NID1: variants seen among roughly 807,000 people sequenced by gnomAD.
NID1 encodes the protein nidogen-1.
In NID1, 76 loss-of-function variants were observed where a neutral mutation model predicts 130.6. That is an observed-to-expected ratio of 0.58 (90% CI 0.48 to 0.70). The LOEUF is 0.70. Among genes scored for constraint, NID1 ranks in the 30% least tolerant of loss-of-function variants. The pLI is 0.00. For synonymous variants in NID1, 665 were observed against 675.1 expected (o/e 0.98, Z 0.23); for missense variants, 1,517 against 1,664.8 (o/e 0.91, Z 1.54).
chr1:236,057,371 A>G (rs1413325988), intron 1 of NID1, among the ~76,000 whole-genome samples: 1 of 152,184 alleles, frequency 6.6e-6, no homozygotes, highest in African/African-American at 2.4e-5. Context: ...TAATTCTCCA[A>G]ACTCTCCATG....
intron 4 of NID1, among the ~76,000 whole-genome samples, chr1:236,038,873 A>G (rs1659349405): frequency 1.9e-5 from 2 of 105,140 alleles, no homozygotes; most frequent in South Asian, 3.1e-4. Flanking sequence ...CATATATAAT[A>G]TATATTACCT....
chr1:236,045,824 T>C (rs1659585927), intron 2 of NID1, 141 bp from the exon 3 acceptor site: 1 of 663,608 alleles, frequency 1.5e-6, no homozygotes, highest in South Asian at 2.1e-5. Context: ...GAAGGACTTT[T>C]GTAGCAAGAA....
At chr1:236,047,520 C>G (rs1028793484) in intron 2 of NID1, among the ~76,000 whole-genome samples, 1 of 152,160 alleles carries the variant, frequency 6.6e-6, no homozygotes, top group Non-Finnish European at 1.5e-5. Flanking sequence ...CCGTGCTCTA[C>G]AGCCTGGTCC....
At chr1:236,020,652 C>T (rs1485269491) in intron 9 of NID1, among the ~76,000 whole-genome samples, 1 of 152,174 alleles carries the variant, frequency 6.6e-6, no homozygotes, top group Non-Finnish European at 1.5e-5. Flanking sequence ...ATCACAAAGG[C>T]TCATCCTCAT....
chr1:236,007,832 C>T (rs144088102), intron 12 of NID1, among the ~76,000 whole-genome samples: 100 of 152,278 alleles, frequency 6.6e-4, no homozygotes, highest in African/African-American at 2.1e-3. Flanking sequence ...GAACTCCTGA[C>T]GCACAGAAAC....
intron 10 of NID1, among the ~76,000 whole-genome samples, chr1:236,015,290 T>C (rs994726520): frequency 6.6e-6 from 1 of 152,208 alleles, no homozygotes; most frequent in East Asian, 1.9e-4. Flanking sequence ...GGTTCTACAG[T>C]GAGCCTTCTC....
intron 15 of NID1, among the ~76,000 whole-genome samples, chr1:235,982,085 G>A (rs1657453520): frequency 6.6e-6 from 1 of 152,224 alleles, no homozygotes; most frequent in Non-Finnish European, 1.5e-5. Context: ...TTGAGACTGA[G>A]TTCCAGGTCC....
chr1:236,055,262 C>G (rs1659866350), intron 1 of NID1, among the ~76,000 whole-genome samples: 1 of 151,770 alleles, frequency 6.6e-6, no homozygotes, highest in Non-Finnish European at 1.5e-5. Flanking sequence ...CAAGACCACA[C>G]CACTGCACTC....
intron 19 of NID1, 27 bp downstream of exon 19, chr1:235,978,968 C>A: frequency 6.6e-7 from 1 of 1,524,166 alleles, no homozygotes; most frequent in Non-Finnish European, 9.1e-7. Flanking sequence ...CCCCAGTATG[C>A]CAACAGTAAC....
chr1:236,030,715 A>G (rs185490405), intron 6 of NID1, among the ~76,000 whole-genome samples: 50 of 152,356 alleles, frequency 3.3e-4, no homozygotes, highest in African/African-American at 3.6e-4. Flanking sequence ...TGACAACCTC[A>G]GCTTTATAGT....
At position 236,029,667 on chromosome 1, in the gene NID1, C is replaced by T. The variant is rs900589374; in HGVS notation, c.1621G>A (p.Asp541Asn). 8 of 1,613,842 alleles carry T rather than the reference C, an allele frequency of 5.0e-6. No homozygotes were observed. Among genetic ancestry groups the T allele is most frequent in the African/African-American group, 2.7e-5 (2 of 74,936 alleles). Residue 541 changes from aspartate to asparagine, a missense_variant, in exon 7 of 20, where the codon GAT becomes AAT. Around this residue, in one of 3 missense-constraint regions of NID1, gnomAD observed 1,329 missense variants for 1,429.2 expected, o/e 0.93. Transcript: ENST00000264187. Reference protein sequence around the residue: ...LVIKQRFSGIDEHGHLTIDTE... With the variant: ...LVIKQRFSGINEHGHLTIDTE... ...TCGATGGTCAGGTGCCCATGCTCAT[C>T]GATGCCGCTGAACCGCTGCTTAATG...
Position 235,977,638 on chromosome 1 carries a change from G to C in NID1, c.*229C>G. Reference sequence around the variant, plus strand: ...TGTATAAGTCTGTCTGAGGGTTGGGGGTAGGGGTGGAGGGTTCTGTCCTTG... The same window carrying C: ...TGTATAAGTCTGTCTGAGGGTTGGGCGTAGGGGTGGAGGGTTCTGTCCTTG... On this transcript the variant is annotated 3_prime_UTR_variant, in exon 20 of 20. Coordinates refer to ENST00000264187, the MANE Select transcript of NID1 (RefSeq NM_002508.3). The C allele has an allele frequency of 2.0e-6, 1 of 512,636 alleles. No homozygotes were observed. The highest frequency in any genetic ancestry group is 3.5e-6 in the Non-Finnish European group (1 of 283,952). 31.8% of individuals were successfully genotyped at this position (512,636 alleles called of 1,614,324 possible).
chr1:235,994,370 C>T (rs1356747806), intron 12 of NID1, among the ~76,000 whole-genome samples: 3 of 152,214 alleles, frequency 2.0e-5, no homozygotes, highest in Admixed American at 6.5e-5. Context: ...CCATGTCAGC[C>T]AGGCTGGTCT....
intron 2 of NID1, 75 bp downstream of exon 2, chr1:236,048,615 G>T: frequency 6.7e-7 from 1 of 1,483,342 alleles, no homozygotes. Flanking sequence ...TGTCAAAGCA[G>T]CACAAGGCGT....
intron 3 of NID1, among the ~76,000 whole-genome samples, chr1:236,044,950 G>A (rs1372378600): frequency 6.6e-6 from 1 of 152,148 alleles, no homozygotes; most frequent in Non-Finnish European, 1.5e-5. Context: ...TGTAATCCCA[G>A]CACTTTGGGA....
chr1:236,011,677 T>C (rs1372426823), intron 12 of NID1, among the ~76,000 whole-genome samples: 1 of 152,226 alleles, frequency 6.6e-6, no homozygotes, highest in Non-Finnish European at 1.5e-5. Flanking sequence ...GAACTCTCCA[T>C]GGAGCCTCCT....
At chr1:236,014,505 C>T (rs1324393740) in intron 10 of NID1, among the ~76,000 whole-genome samples, 1 of 152,118 alleles carries the variant, frequency 6.6e-6, no homozygotes. Context: ...CAACCTTTGC[C>T]TTCCATCTTG....
At chr1:236,025,055 A>T (rs1658881841) in intron 8 of NID1, among the ~76,000 whole-genome samples, 1 of 150,360 alleles carries the variant, frequency 6.7e-6, no homozygotes, top group Non-Finnish European at 1.5e-5. Flanking sequence ...GGTTCAAGCG[A>T]TTTTCCTGCC....
chr1:235,994,660 C>G (rs1020415691), intron 12 of NID1, among the ~76,000 whole-genome samples: 2 of 150,660 alleles, frequency 1.3e-5, no homozygotes, highest in Non-Finnish European at 3.0e-5. Context: ...TTTGTTTTTT[C>G]TAAATGTGTC....
Sources: allele counts gnomAD v4.1 joint callset (sites outside exome capture counted in the v4.1 genomes callset), GRCh38; gene constraint gnomAD v4.1.1; regional missense constraint gnomAD v4.1.1; transcripts MANE v1.5; gene names NCBI Gene and HGNC (gene_info 2026-07-23, HGNC 2026-07-21).